Variants in LYZL1 observed in about 807,000 individuals in gnomAD.
The protein encoded by LYZL1 is lysozyme like 1, also known as lysozyme-like protein 1.
In LYZL1, 16 loss-of-function variants were observed where a neutral mutation model predicts 17.9. That is an observed-to-expected ratio of 0.90 (90% CI 0.61 to 1.36). The LOEUF (loss-of-function observed/expected upper bound fraction) is 1.36, where lower values mean the gene tolerates loss of function less well. Ranked by LOEUF, LYZL1 falls within the 40% of genes most tolerant of loss-of-function variation. LYZL1 has a pLI of 0.00. For missense variants in LYZL1, 149 were observed against 188.4 expected (o/e 0.79, Z 1.22); for synonymous variants, 58 against 71.8 (o/e 0.81, Z 0.97).
At chr10:29,309,227 G>T (rs995904227) in intron 3 of LYZL1, among the ~76,000 whole-genome samples, 12 of 151,756 alleles carry the variant, frequency 7.9e-5, no homozygotes, top group African/African-American at 2.9e-4. Context: ...TACTGGGGAG[G>T]CTGCGGCAGG....
At chr10:29,295,046 G>A (rs898047571) in intron 3 of LYZL1, among the ~76,000 whole-genome samples, 1 of 152,154 alleles carries the variant, frequency 6.6e-6, no homozygotes, top group Non-Finnish European at 1.5e-5. Flanking sequence ...CTGCAGATAA[G>A]GGGGAACTAT....
At chr10:29,297,506 T>G (rs1002135864) in intron 3 of LYZL1, among the ~76,000 whole-genome samples, 6 of 152,172 alleles carry the variant, frequency 3.9e-5, no homozygotes, top group Non-Finnish European at 8.8e-5. Context: ...AAATAAACAA[T>G]TCATAACTTT....
At chr10:29,311,261 CA>C, downstream of LYZL1, 3 of 1,433,936 alleles carry the variant, frequency 2.1e-6, no homozygotes, top group Non-Finnish European at 2.7e-6. Flanking sequence ...GTCATAATAG[CA>C]TGGTGTTAAG....
chr10:29,297,399 G>A (rs778625182), intron 3 of LYZL1, among the ~76,000 whole-genome samples: 2 of 152,120 alleles, frequency 1.3e-5, no homozygotes, highest in Admixed American at 6.5e-5. Flanking sequence ...TCACATGACC[G>A]GTACAGCAGT....
intron 3 of LYZL1, among the ~76,000 whole-genome samples, chr10:29,302,618 CG>C (rs1190547158): frequency 1.3e-5 from 2 of 152,162 alleles, no homozygotes; most frequent in African/African-American, 4.8e-5. Flanking sequence ...ATGAGCAAAG[CG>C]TGAGTTTGAG....
rs185056534 is a variant in LYZL1 at position 29,293,790 on chromosome 10, C to T, written c.298+1113C>T. Among the ~76,000 whole-genome samples the T allele has an allele frequency of 8.6e-3, 1,300 of 151,840 alleles. 22 individuals are homozygous for T. The highest frequency in any genetic ancestry group is 0.047 in the South Asian group (224 of 4,798). On this transcript the variant is annotated intron_variant, in intron 3 of 4. Coordinates refer to ENST00000649382, the MANE Select transcript of LYZL1 (RefSeq NM_032517.6). ...GAGTTCAAGACCAGCCTGACCAACA[C>T]GGTGAAACCCCATCTCTACTAAATA... is the stretch of plus-strand genomic sequence containing the variant.
chr10:29,309,000 G>A (rs1484945225), intron 3 of LYZL1, among the ~76,000 whole-genome samples: 3 of 151,250 alleles, frequency 2.0e-5, no homozygotes, highest in East Asian at 2.0e-4. Context: ...AGAGATAGAC[G>A]TATTTGACTT....
chr10:29,290,318 A>G (rs1365658123), intron 1 of LYZL1, among the ~76,000 whole-genome samples: 1 of 152,194 alleles, frequency 6.6e-6, no homozygotes, highest in Admixed American at 6.5e-5. Context: ...GAGATTGTGG[A>G]AAATCAGTAG....
intron 3 of LYZL1, among the ~76,000 whole-genome samples, chr10:29,304,327 CTCTA>C (rs745551409): frequency 2.6e-5 from 4 of 152,084 alleles, no homozygotes; most frequent in Admixed American, 6.6e-5. Flanking sequence ...ATTATTGACT[CTCTA>C]TCTAGTGTAG....
At position 29,311,176 on chromosome 10, in the gene LYZL1, G is replaced by A; in HGVS notation, c.*117G>A. The A allele has an allele frequency of 6.2e-7, 1 of 1,601,114 alleles. No homozygotes were observed. Among genetic ancestry groups the A allele is most frequent in the East Asian group, 2.2e-5 (1 of 44,688 alleles). On this transcript the variant is annotated 3_prime_UTR_variant, in exon 5 of 5. Transcript: ENST00000649382. ...AATATTCCTTCTCAAACTTGGAGAG[G>A]GAAAATTAAGCTATACTTTTAAGAA... is the stretch of plus-strand genomic sequence containing the variant.
chr10:29,303,786 C>T (rs1835553411), intron 3 of LYZL1, among the ~76,000 whole-genome samples: 1 of 152,180 alleles, frequency 6.6e-6, no homozygotes, highest in Admixed American at 6.5e-5. Flanking sequence ...TTTATTAGAA[C>T]AATGTCATTC....
downstream of LYZL1, among the ~76,000 whole-genome samples, chr10:29,312,594 C>T (rs1388844867): frequency 6.6e-6 from 1 of 152,148 alleles, no homozygotes; most frequent in Non-Finnish European, 1.5e-5. Context: ...AGATTTTATT[C>T]GTATGGCTAG....
intron 3 of LYZL1, among the ~76,000 whole-genome samples, chr10:29,299,075 C>T (rs1835483029): frequency 1.3e-5 from 2 of 152,180 alleles, no homozygotes. Context: ...AAGGACCGTG[C>T]AACCTAGATC....
At chr10:29,313,482 A>C (rs1004339036), downstream of LYZL1, among the ~76,000 whole-genome samples, 69 of 152,198 alleles carry the variant, frequency 4.5e-4, 1 homozygote, top group Admixed American at 6.5e-5. Context: ...TTTTTTTTAA[A>C]CCAACTCCAA....
At chr10:29,313,451 A>G (rs186749620), downstream of LYZL1, among the ~76,000 whole-genome samples, 2 of 152,346 alleles carry the variant, frequency 1.3e-5, no homozygotes, top group East Asian at 3.9e-4. Context: ...GGCACCAGCC[A>G]TTCAAAGACT....
At chr10:29,306,549 C>CAAAAAAAAAAAAAAAAAAAAAAAAA (rs58001118) in intron 3 of LYZL1, among the ~76,000 whole-genome samples, 5 of 48,792 alleles carry the variant, frequency 1.0e-4, no homozygotes, top group East Asian at 4.9e-4. Context: ...GACTCCGTCT[C>CAAAAAAAAAAAAAAAAAAAAAAAAA]AAAAAAAAAA....
intron 3 of LYZL1, among the ~76,000 whole-genome samples, chr10:29,295,284 T>C (rs1449351566): frequency 3.3e-5 from 5 of 152,244 alleles, no homozygotes; most frequent in Non-Finnish European, 5.9e-5. Flanking sequence ...TCTGGGTTTA[T>C]TCAAAACAAG....
chr10:29,312,240 C>A (rs543257995), downstream of LYZL1, among the ~76,000 whole-genome samples: 2 of 152,286 alleles, frequency 1.3e-5, no homozygotes, highest in South Asian at 4.1e-4. Flanking sequence ...CCCCTGACAT[C>A]AAGAGAGTTC....
chr10:29,290,657 T>C (rs1751950), intron 1 of LYZL1, among the ~76,000 whole-genome samples: 79,624 of 151,942 alleles, frequency 0.52, 20,960 homozygotes, highest in Admixed American at 0.62. Flanking sequence ...TGACCAACAG[T>C]GTGAAACCTC....
Sources: gnomAD v4.1 joint callset for allele counts (sites outside exome capture counted in the v4.1 genomes callset) on GRCh38, gnomAD v4.1.1 for gene constraint, MANE v1.5 for transcripts, NCBI Gene and HGNC (gene_info 2026-07-23, HGNC 2026-07-21) for gene names.